Variants in NSL1 observed in about 807,000 individuals in gnomAD.
NSL1 encodes kinetochore-associated protein NSL1 homolog.
In NSL1, 11 loss-of-function variants were observed where a neutral mutation model predicts 25.4. The ratio of observed to expected loss-of-function variants is 0.43; its 90% CI spans 0.27 to 0.72. The LOEUF is 0.72. Among genes scored for constraint, NSL1 ranks in the 30% least tolerant of loss-of-function variants. The probability of loss-of-function intolerance (pLI) is 0.19; values close to 1 mark genes in which losing one functional copy is unlikely to be tolerated. For synonymous variants in NSL1, 118 were observed against 120.6 expected (o/e 0.98, Z 0.14); for missense variants, 330 against 342.7 (o/e 0.96, Z 0.29).
chr1:212,753,163 G>A lies in NSL1; in HGVS notation c.500-13562C>T, dbSNP rs181242218. 1.5e-3 allele frequency among the ~76,000 whole-genome samples: 224 copies of A among 152,272 alleles called. 2 individuals are homozygous for A. The highest frequency in any genetic ancestry group is 0.013 in the South Asian group (63 of 4,830). On this transcript the variant is annotated intron_variant, in intron 4 of 5. Transcript: ENST00000366977. ...ATTTGCTCAGTAGATGAAATCCTCT[G>A]CAGCACACCTTCCCACCTACACCTC...
At chr1:212,772,278 T>C (rs79379680) in intron 4 of NSL1, among the ~76,000 whole-genome samples, 3,465 of 152,244 alleles carry the variant, frequency 0.023, 62 homozygotes, top group South Asian at 0.041. Context: ...AGAATTAACA[T>C]TATAAAATAA....
At position 212,739,652 on chromosome 1, in the gene NSL1, C is replaced by A. The variant is rs769666311; in HGVS notation, c.500-51G>T. On this transcript the variant is annotated intron_variant, in intron 4 of 5. Transcript: ENST00000366977. ...TTTAGGTTTTTATCTAATAGCAAAT[C>A]ATAAAAGGCATATAGATACTATCTG... 5.8e-6 allele frequency: 9 copies of A among 1,552,246 alleles called. No homozygotes were observed. In the African/African-American group the frequency reaches 1.2e-4, roughly 21 times the overall value.
chr1:212,736,202 T>G lies in NSL1; in HGVS notation c.*2206A>C. 1.6e-6 allele frequency: 1 copy of G among 615,006 alleles called. No homozygotes were observed. Among genetic ancestry groups the G allele is most frequent in the Non-Finnish European group, 2.0e-6 (1 of 491,556 alleles). The allele number at this position is 615,006 out of a possible 1,614,324, so 38.1% of individuals were successfully genotyped here. A position where few individuals can be genotyped will look rare whatever the true frequency, so the allele number is the denominator to read the frequency against. ...ACAGGTGTGTGCCATCACACCCTGCTAATTTTTGTATTTTTTGTAGAAATG... is the reference window on the plus strand; with the variant it reads ...ACAGGTGTGTGCCATCACACCCTGCGAATTTTTGTATTTTTTGTAGAAATG... On this transcript the variant is annotated 3_prime_UTR_variant, in exon 6 of 6. Coordinates refer to ENST00000366977, the MANE Select transcript of NSL1 (RefSeq NM_015471.4).
chr1:212,783,995 CA>C (rs151087841), intron 3 of NSL1: 3,501 of 153,846 alleles, frequency 0.023, 62 homozygotes, highest in South Asian at 0.041. Context: ...TACAAACATA[CA>C]AATATATGCC....
chr1:212,780,889 C>A (rs56088044), intron 4 of NSL1, among the ~76,000 whole-genome samples: 27,198 of 151,986 alleles, frequency 0.18, 2,761 homozygotes, highest in African/African-American at 0.28. Flanking sequence ...GATAAGTAGG[C>A]AAGACATTCT....
intron 4 of NSL1, 48 bp downstream of exon 4, chr1:212,782,324 A>G: frequency 1.5e-6 from 2 of 1,341,556 alleles, no homozygotes; most frequent in Non-Finnish European, 2.1e-6. Context: ...AACCCATAAA[A>G]ATTATAAGCA....
chr1:212,791,248 T>C (rs1661238589), intron 1 of NSL1, among the ~76,000 whole-genome samples: 1 of 152,252 alleles, frequency 6.6e-6, no homozygotes, highest in Non-Finnish European at 1.5e-5. Context: ...CAAAATGTCT[T>C]ATTTCCATTA....
rs555046539 is a variant in NSL1 at position 212,755,565 on chromosome 1, ATG to A, written c.500-15966_500-15965del. Reference sequence around the variant, plus strand: ...AAAAGAAAAACAATGACAGAATAAAATGCATTATGTAATATTTATATAAACAA... The same window carrying A: ...AAAAGAAAAACAATGACAGAATAAAACATTATGTAATATTTATATAAACAA... On this transcript the variant is annotated intron_variant, in intron 4 of 5. Coordinates refer to ENST00000366977, the MANE Select transcript of NSL1 (RefSeq NM_015471.4). Among the ~76,000 whole-genome samples the A allele has an allele frequency of 7.9e-5, 12 of 151,702 alleles. No homozygotes were observed. In the South Asian group the frequency reaches 2.5e-3, roughly 31 times the overall value.
rs1658186189 is a variant in NSL1, at chr1:212,735,269, G to T, written c.*3139C>A. Reference sequence around the variant, plus strand: ...ACTGAAATCTGAACTCAGATGATCTGGCTTAGAGGCTGTGCTCTTAAGATC... The same window carrying T: ...ACTGAAATCTGAACTCAGATGATCTTGCTTAGAGGCTGTGCTCTTAAGATC... On this transcript the variant is annotated 3_prime_UTR_variant, in exon 6 of 6. Coordinates refer to ENST00000366977, the MANE Select transcript of NSL1 (RefSeq NM_015471.4). 1 of 970,272 alleles carries T rather than the reference G, an allele frequency of 1.0e-6. No homozygotes were observed. Among genetic ancestry groups the T allele is most frequent in the Non-Finnish European group, 1.2e-6 (1 of 816,230 alleles). The allele number at this position is 970,272 out of a possible 1,614,324, so 60.1% of individuals were successfully genotyped here.
chr1:212,778,075 G>A (rs1275082494), intron 4 of NSL1, among the ~76,000 whole-genome samples: 1 of 152,038 alleles, frequency 6.6e-6, no homozygotes, highest in Non-Finnish European at 1.5e-5. Flanking sequence ...CAATTTATGG[G>A]ACTTATTGAT....
chr1:212,752,685 A>T (rs1659121564), intron 4 of NSL1, among the ~76,000 whole-genome samples: 1 of 152,206 alleles, frequency 6.6e-6, no homozygotes, highest in Non-Finnish European at 1.5e-5. Flanking sequence ...GGATATTTTT[A>T]AAAAGAGTTT....
intron 4 of NSL1, among the ~76,000 whole-genome samples, chr1:212,778,564 G>A (rs1269164348): frequency 5.3e-5 from 8 of 152,286 alleles, no homozygotes; most frequent in African/African-American, 1.7e-4. Context: ...ACGCCTGACT[G>A]GTTTTCGTAT....
At position 212,735,682 on chromosome 1, in the gene NSL1, G is replaced by A; in HGVS notation, c.*2726C>T. ...AAGGTTAAATGAGGCCATAAGGGTG[G>A]GGCTCTGATCTGATACAATTGGTGT... On this transcript the variant is annotated 3_prime_UTR_variant, in exon 6 of 6. Coordinates refer to ENST00000366977, the MANE Select transcript of NSL1 (RefSeq NM_015471.4). 3.0e-6 allele frequency: 1 copy of A among 327,918 alleles called. No homozygotes were observed. The highest frequency in any genetic ancestry group is 1.7e-4 in the East Asian group (1 of 5,912). 20.3% of individuals were successfully genotyped at this position (327,918 alleles called of 1,614,324 possible).
rs547424581 is a variant in NSL1 at position 212,780,647 on chromosome 1, G to A, written c.499+1725C>T. On this transcript the variant is annotated intron_variant, in intron 4 of 5. Coordinates refer to ENST00000366977, the MANE Select transcript of NSL1 (RefSeq NM_015471.4). The stretch of plus-strand genomic sequence containing the variant: ...CTGATTCAGACTTTTAAGGCCCATA[G>A]AAATTTATGCTTTCCACTTTCTTAC... Among the ~76,000 whole-genome samples the A allele has an allele frequency of 1.2e-4, 18 of 151,994 alleles. No individual in the cohort carries two copies. The East Asian group carries it at 3.3e-3, about 28-fold the overall frequency.
Position 212,727,150 on chromosome 1 carries a change from C to T in NSL1, c.*11258G>A, listed in dbSNP as rs1461538340. The T allele has an allele frequency of 6.3e-7, 1 of 1,574,880 alleles. No individual in the cohort carries two copies. Among genetic ancestry groups the T allele is most frequent in the Non-Finnish European group, 8.6e-7 (1 of 1,160,616 alleles). On this transcript the variant is annotated 3_prime_UTR_variant, in exon 6 of 6. Coordinates refer to ENST00000366977, the MANE Select transcript of NSL1 (RefSeq NM_015471.4). The stretch of plus-strand genomic sequence containing the variant: ...CCCGATCCCCTTCTCTCCTAAACTG[C>T]CCCTAGAGCTAGTCCACCAGGCTTG...
chr1:212,764,872 G>GAAAAAAAAAAAAAAAAAAAAAAAAAAAAT (rs1659732830), intron 4 of NSL1, among the ~76,000 whole-genome samples: 1 of 70,124 alleles, frequency 1.4e-5, no homozygotes, highest in African/African-American at 5.4e-5. Context: ...AAAAAAAAAA[G>GAAAAAAAAAAAAAAAAAAAAAAAAAAAAT]AAAGAAAGAA....
At chr1:212,791,480 G>A (rs768425538) in intron 1 of NSL1, 50 bp downstream of exon 1, 1 of 1,501,650 alleles carries the variant, frequency 6.7e-7, no homozygotes, top group South Asian at 1.2e-5. Context: ...AAGATCCTGG[G>A]TGTTGGGTAA....
chr1:212,766,939 G>C (rs184079632), intron 4 of NSL1, among the ~76,000 whole-genome samples: 209 of 152,290 alleles, frequency 1.4e-3, no homozygotes, highest in African/African-American at 3.9e-3. Context: ...AGAAATCACA[G>C]ATGACACAAA....
At position 212,728,607 on chromosome 1, in the gene NSL1, T is replaced by C. The variant is rs1657881738; in HGVS notation, c.*9801A>G. ...AAGGAGTTTTATGTTAGGAAAAAAATGGTTTCTGAGAATTCTGAGGCTCTG... is the reference window on the plus strand; with the variant it reads ...AAGGAGTTTTATGTTAGGAAAAAAACGGTTTCTGAGAATTCTGAGGCTCTG... On this transcript the variant is annotated 3_prime_UTR_variant, in exon 6 of 6. Transcript: ENST00000366977. 1 of 985,194 alleles carries C rather than the reference T, an allele frequency of 1.0e-6. No homozygotes were observed. The highest frequency in any genetic ancestry group is 1.2e-6 in the Non-Finnish European group (1 of 829,912). 61.0% of individuals were successfully genotyped at this position (985,194 alleles called of 1,614,324 possible). A position where few individuals can be genotyped will look rare whatever the true frequency, so the allele number is the denominator to read the frequency against.
Sources: allele counts gnomAD v4.1 joint callset (sites outside exome capture counted in the v4.1 genomes callset), GRCh38; gene constraint gnomAD v4.1.1; transcripts MANE v1.5; gene names NCBI Gene and HGNC (gene_info 2026-07-23, HGNC 2026-07-21).